The following FAM13A variants were observed in gnomAD, a reference collection of about 807,000 sequenced individuals.
FAM13A encodes protein FAM13A.
FAM13A carries 76 observed loss-of-function variants against 129.6 expected under a neutral mutation model. That is an observed-to-expected ratio of 0.59 (90% CI 0.49 to 0.71). The LOEUF is 0.71. FAM13A is among the 30% of genes least tolerant of loss of function. The pLI is 0.00. For synonymous variants in FAM13A, 443 were observed against 449.9 expected (o/e 0.98, Z 0.20); for missense variants, 1,108 against 1,249.3 (o/e 0.89, Z 1.70).
chr4:89,053,115 G>A (rs1455861407), intron 1 of FAM13A, among the ~76,000 whole-genome samples: 1 of 152,144 alleles, frequency 6.6e-6, no homozygotes, highest in Non-Finnish European at 1.5e-5. Flanking sequence ...TTGCTCACAA[G>A]TTCTTCCTTC....
chr4:88,755,012 A>G (rs868023640), intron 14 of FAM13A, among the ~76,000 whole-genome samples: 5 of 152,218 alleles, frequency 3.3e-5, no homozygotes, highest in Middle Eastern at 3.4e-3. Flanking sequence ...CTTCTCTCCC[A>G]CTTCTCTGAC....
intron 7 of FAM13A, among the ~76,000 whole-genome samples, chr4:88,833,529 C>A (rs888617543): frequency 6.6e-6 from 1 of 152,094 alleles, no homozygotes; most frequent in Admixed American, 6.6e-5. Context: ...ACTCTGACTG[C>A]ATTTTAGATG....
At chr4:88,943,866 T>C (rs1213596271) in intron 4 of FAM13A, among the ~76,000 whole-genome samples, 1 of 152,234 alleles carries the variant, frequency 6.6e-6, no homozygotes, top group African/African-American at 2.4e-5. Flanking sequence ...CTGGTTCTTT[T>C]AATGCTTTGT....
chr4:88,886,339 A>C (rs890232062), intron 6 of FAM13A, among the ~76,000 whole-genome samples: 1 of 152,242 alleles, frequency 6.6e-6, no homozygotes, highest in Non-Finnish European at 1.5e-5. Flanking sequence ...CTGTAATCCC[A>C]GCACTTTGGG....
At chr4:88,828,252 C>T (rs1171132656) in intron 7 of FAM13A, among the ~76,000 whole-genome samples, 1 of 152,168 alleles carries the variant, frequency 6.6e-6, no homozygotes, top group Non-Finnish European at 1.5e-5. Context: ...GTGTGCCTCC[C>T]ACCTCAGCCT....
At chr4:88,817,202 ATACTCAAAAC>A (rs1222822329) in intron 7 of FAM13A, among the ~76,000 whole-genome samples, 1 of 152,226 alleles carries the variant, frequency 6.6e-6, no homozygotes, top group Non-Finnish European at 1.5e-5. Context: ...CTCTGTGAAT[ATACTCAAAAC>A]TATTGAATTG....
intron 14 of FAM13A, among the ~76,000 whole-genome samples, chr4:88,754,591 G>A (rs1010840863): frequency 6.6e-6 from 1 of 152,128 alleles, no homozygotes; most frequent in African/African-American, 2.4e-5. Flanking sequence ...GAGCTAGGAG[G>A]TACTTGGACA....
At chr4:88,963,010 TC>T (rs1428627669) in intron 4 of FAM13A, among the ~76,000 whole-genome samples, 5 of 152,220 alleles carry the variant, frequency 3.3e-5, no homozygotes, top group Non-Finnish European at 7.3e-5. Context: ...AAAAGGATGT[TC>T]AGAAAAATAT....
At chr4:88,924,886 T>C (rs1397819943) in intron 5 of FAM13A, among the ~76,000 whole-genome samples, 1 of 151,586 alleles carries the variant, frequency 6.6e-6, no homozygotes, top group African/African-American at 2.4e-5. Flanking sequence ...CATCAAAAAG[T>C]GGGCAAAGGA....
intron 23 of FAM13A, 60 bp from the exon 24 acceptor site, chr4:88,728,719 T>C (rs1309561469): frequency 3.8e-6 from 6 of 1,574,816 alleles, no homozygotes; most frequent in Non-Finnish European, 5.2e-6. Context: ...CTAGATACTA[T>C]TCATCGGGCA....
At chr4:88,986,837 T>A (rs1162067039) in intron 4 of FAM13A, among the ~76,000 whole-genome samples, 1 of 152,210 alleles carries the variant, frequency 6.6e-6, no homozygotes, top group Non-Finnish European at 1.5e-5. Context: ...AAAATTAAAC[T>A]CAAAATATCA....
chr4:88,807,601 G>A (rs1400687901), intron 7 of FAM13A, among the ~76,000 whole-genome samples: 2 of 152,138 alleles, frequency 1.3e-5, no homozygotes, highest in Non-Finnish European at 2.9e-5. Context: ...CTAGGTTAGT[G>A]AAGAAAATGC....
intron 5 of FAM13A, among the ~76,000 whole-genome samples, chr4:88,915,793 G>T (rs546265590): frequency 6.6e-6 from 1 of 152,280 alleles, no homozygotes; most frequent in African/African-American, 2.4e-5. Context: ...CTGCCCTCAA[G>T]AATAGATTAA....
intron 4 of FAM13A, among the ~76,000 whole-genome samples, chr4:88,959,270 T>G (rs2148907492): frequency 6.6e-6 from 1 of 152,268 alleles, no homozygotes; most frequent in Admixed American, 6.5e-5. Context: ...CGGGGCAGAA[T>G]GATATAGTTT....
At chr4:88,730,385 C>T (rs2149384030) in intron 23 of FAM13A, among the ~76,000 whole-genome samples, 1 of 151,698 alleles carries the variant, frequency 6.6e-6, no homozygotes, top group South Asian at 2.1e-4. Flanking sequence ...GGTAGATTTA[C>T]TGCTTTTCTT....
At chr4:88,730,870 A>G (rs1737579111) in intron 23 of FAM13A, among the ~76,000 whole-genome samples, 1 of 152,148 alleles carries the variant, frequency 6.6e-6, no homozygotes, top group Admixed American at 6.5e-5. Flanking sequence ...AGCAGACCAC[A>G]GCTCCCTGCA....
intron 4 of FAM13A, among the ~76,000 whole-genome samples, chr4:88,942,091 G>A (rs983323388): frequency 6.6e-6 from 1 of 151,986 alleles, no homozygotes; most frequent in African/African-American, 2.4e-5. Flanking sequence ...AAAAATTATG[G>A]CCACAGAAGC....
At chr4:88,979,503 C>T (rs188615333) in intron 4 of FAM13A, among the ~76,000 whole-genome samples, 5 of 152,256 alleles carry the variant, frequency 3.3e-5, no homozygotes, top group African/African-American at 9.6e-5. Context: ...AGTCATGTGA[C>T]CTTATGCAAG....
At chr4:88,881,941 A>G (rs1207427454) in intron 6 of FAM13A, among the ~76,000 whole-genome samples, 1 of 152,094 alleles carries the variant, frequency 6.6e-6, no homozygotes, top group Non-Finnish European at 1.5e-5. Context: ...AGAAAAAAGA[A>G]TTTAAAAAAA....
Sources: allele counts gnomAD v4.1 joint callset (sites outside exome capture counted in the v4.1 genomes callset), GRCh38; gene constraint gnomAD v4.1.1; transcripts MANE v1.5; gene names NCBI Gene and HGNC (gene_info 2026-07-23, HGNC 2026-07-21).